Variants in LEKR1 observed in about 807,000 individuals in gnomAD.
LEKR1 encodes the protein leucine, glutamate and lysine rich 1.
Under a neutral mutation model 72.4 loss-of-function variants are expected in LEKR1, and 59 were observed. That is an observed-to-expected ratio of 0.82 (90% CI 0.66 to 1.01). LEKR1 has a LOEUF of 1.01. LEKR1 is among the 50% of genes least tolerant of loss of function. The pLI is 0.00. For synonymous variants in LEKR1, 257 were observed against 263.2 expected (o/e 0.98, Z 0.23); for missense variants, 728 against 759.2 (o/e 0.96, Z 0.48).
At chr3:157,041,553 G>A (rs1735342202) in intron 12 of LEKR1, among the ~76,000 whole-genome samples, 1 of 152,028 alleles carries the variant, frequency 6.6e-6, no homozygotes. Context: ...GTGTGCACCT[G>A]CCTGAGTCAT....
At chr3:156,982,824 C>CAT (rs2053987674) in intron 7 of LEKR1, among the ~76,000 whole-genome samples, 1 of 149,686 alleles carries the variant, frequency 6.7e-6, no homozygotes, top group Non-Finnish European at 1.5e-5. Context: ...TTATTACTTT[C>CAT]ATATATATAT....
At chr3:156,851,286 G>A (rs1396640137) in intron 2 of LEKR1, 2 of 152,254 alleles carry the variant, frequency 1.3e-5, no homozygotes, top group Non-Finnish European at 2.9e-5. Flanking sequence ...AAAGGGGCCT[G>A]GGGATGTCCC....
intron 7 of LEKR1, among the ~76,000 whole-genome samples, chr3:156,984,972 C>G (rs1576948591): frequency 6.6e-6 from 1 of 151,924 alleles, no homozygotes; most frequent in Non-Finnish European, 1.5e-5. Flanking sequence ...TGATTTTCCT[C>G]TCACCTTCCT....
intron 6 of LEKR1, among the ~76,000 whole-genome samples, chr3:156,964,852 T>G (rs943761817): frequency 6.6e-6 from 1 of 152,182 alleles, no homozygotes. Flanking sequence ...GTCCTAAATA[T>G]TTTTAGACCT....
intron 3 of LEKR1, chr3:156,888,486 T>C (rs2108556054): frequency 3.0e-6 from 2 of 673,730 alleles, no homozygotes. Context: ...GGATTTATTA[T>C]GATACTAAGC....
intron 9 of LEKR1, among the ~76,000 whole-genome samples, chr3:157,000,359 AT>A (rs747001891): frequency 1.3e-5 from 2 of 152,208 alleles, no homozygotes; most frequent in Non-Finnish European, 2.9e-5. Flanking sequence ...GATTAGCTAT[AT>A]CTAGTATTAG....
At chr3:156,966,429 C>T (rs1249202132) in intron 6 of LEKR1, among the ~76,000 whole-genome samples, 4 of 152,210 alleles carry the variant, frequency 2.6e-5, no homozygotes, top group Non-Finnish European at 4.4e-5. Flanking sequence ...CACTTCCACC[C>T]TAATACTGCG....
intron 3 of LEKR1, among the ~76,000 whole-genome samples, chr3:156,874,315 A>G (rs966859643): frequency 3.0e-4 from 45 of 152,034 alleles, no homozygotes; most frequent in African/African-American, 7.7e-4. Flanking sequence ...TAAAAAAAGG[A>G]TATCTATTTT....
At chr3:156,888,258 G>A (rs1232674846) in intron 3 of LEKR1, 4 of 694,470 alleles carry the variant, frequency 5.8e-6, no homozygotes, top group East Asian at 2.7e-5. Context: ...GAAATGCACA[G>A]TTGATATAAA....
chr3:156,981,361 C>T (rs1310032841), intron 7 of LEKR1, among the ~76,000 whole-genome samples: 1 of 152,124 alleles, frequency 6.6e-6, no homozygotes, highest in African/African-American at 2.4e-5. Context: ...TCAGGGTAGA[C>T]TGGAGATGCA....
intron 3 of LEKR1, among the ~76,000 whole-genome samples, chr3:156,855,477 T>C (rs1715949333): frequency 6.6e-6 from 1 of 152,226 alleles, no homozygotes; most frequent in Admixed American, 6.5e-5. Context: ...TATTTGCTTA[T>C]TTTTGTTTAT....
chr3:156,856,275 C>A (rs1039192076), intron 3 of LEKR1, among the ~76,000 whole-genome samples: 2 of 152,026 alleles, frequency 1.3e-5, no homozygotes, highest in South Asian at 2.1e-4. Context: ...TTTCTTCTAG[C>A]GTATTTCTGG....
chr3:156,958,373 A>G (rs1727836959), intron 6 of LEKR1, among the ~76,000 whole-genome samples: 2 of 152,170 alleles, frequency 1.3e-5, no homozygotes, highest in South Asian at 2.1e-4. Context: ...CTATAGAACT[A>G]CAAGTTCAGG....
intron 2 of LEKR1, among the ~76,000 whole-genome samples, chr3:156,847,267 A>C (rs775947522): frequency 1.3e-5 from 2 of 152,192 alleles, no homozygotes; most frequent in African/African-American, 2.4e-5. Flanking sequence ...AATAACTATA[A>C]TTTTAAAAGT....
At chr3:157,002,339 G>GT (rs1208116122) in intron 9 of LEKR1, among the ~76,000 whole-genome samples, 1 of 151,936 alleles carries the variant, frequency 6.6e-6, no homozygotes, top group East Asian at 1.9e-4. Flanking sequence ...GTTCTTCATA[G>GT]TTTTTTTCAA....
intron 3 of LEKR1, among the ~76,000 whole-genome samples, chr3:156,871,301 G>T (rs1342538455): frequency 6.6e-6 from 1 of 152,038 alleles, no homozygotes; most frequent in Non-Finnish European, 1.5e-5. Context: ...ATTTTTTATG[G>T]CTGCATAGTA....
intron 3 of LEKR1, among the ~76,000 whole-genome samples, chr3:156,875,385 A>T (rs1431216965): frequency 6.6e-6 from 1 of 151,842 alleles, no homozygotes; most frequent in African/African-American, 2.4e-5. Context: ...TGTTTTCTTG[A>T]TGCTGATTTG....
chr3:156,916,914 C>A (rs981011121), intron 3 of LEKR1, among the ~76,000 whole-genome samples: 16 of 151,970 alleles, frequency 1.1e-4, no homozygotes, highest in African/African-American at 3.4e-4. Flanking sequence ...TGATTATGAA[C>A]AGACAATAAA....
chr3:157,019,437 C>T (rs1176177791), intron 10 of LEKR1, among the ~76,000 whole-genome samples: 1 of 152,048 alleles, frequency 6.6e-6, no homozygotes, highest in East Asian at 1.9e-4. Flanking sequence ...CATCCGGTGG[C>T]CTTCACCAAG....
Sources: allele counts gnomAD v4.1 joint callset (sites outside exome capture counted in the v4.1 genomes callset), GRCh38; gene constraint gnomAD v4.1.1; transcripts MANE v1.5; gene names NCBI Gene and HGNC (gene_info 2026-07-23, HGNC 2026-07-21).